The following USP39 variants were observed in gnomAD, a reference collection of about 807,000 sequenced individuals.
USP39 encodes ubiquitin specific peptidase 39, also known as ubiquitin carboxyl-terminal hydrolase 39.
USP39 carries 38 observed loss-of-function variants against 66.4 expected under a neutral mutation model. That is an observed-to-expected ratio of 0.57 (90% CI 0.44 to 0.75). USP39 has a LOEUF of 0.75. Among genes scored for constraint, USP39 ranks in the 30% least tolerant of loss-of-function variants. The probability of loss-of-function intolerance (pLI) is 0.00; values close to 1 mark genes in which losing one functional copy is unlikely to be tolerated. For synonymous variants in USP39, 303 were observed against 274.6 expected (o/e 1.10, Z -1.02); for missense variants, 608 against 714.4 (o/e 0.85, Z 1.70).
At chr2:85,611,685 T>TA (rs900785219), upstream of USP39, 7 of 1,569,658 alleles carry the variant, frequency 4.5e-6, no homozygotes, top group African/African-American at 9.5e-5. Flanking sequence ...TCGCGGCAGG[T>TA]ACACCTGCAG....
upstream of USP39, among the ~76,000 whole-genome samples, chr2:85,614,273 G>T (rs1413877141): frequency 1.3e-5 from 2 of 152,096 alleles, no homozygotes; most frequent in African/African-American, 2.4e-5. Flanking sequence ...CCTGCACTTT[G>T]GAAGGGGAGG....
At chr2:85,622,115 C>T (rs1444929305) in intron 3 of USP39, among the ~76,000 whole-genome samples, 1 of 151,524 alleles carries the variant, frequency 6.6e-6, no homozygotes, top group Non-Finnish European at 1.5e-5. Context: ...CCACCGCGCC[C>T]GGCCTAATTT....
rs868268039 is a variant in USP39 at position 85,630,742 on chromosome 2, C to T, written c.745C>T (p.Leu249Phe). The change falls in exon 6 of 13, where the codon CTC becomes TTC. Residue 249 changes from leucine (L) to phenylalanine (F), a missense_variant. Physicochemically the swap from Leu to Phe is conservative, Grantham distance 22. Transcript: ENST00000323701. ...TTAGGCTCTATCTAATGTTCCTCCT[C>T]TCCGGAACTACTTTCTGGAAGAAGA... is the stretch of plus-strand genomic sequence containing the variant. ...VLQALSNVPPLRNYFLEEDNY... is the reference protein window; with the variant it reads ...VLQALSNVPPFRNYFLEEDNY... 1 of 1,614,200 alleles carries T rather than the reference C, an allele frequency of 6.2e-7. No individual in the cohort carries two copies. The highest frequency in any genetic ancestry group is 8.5e-7 in the Non-Finnish European group (1 of 1,180,028).
chr2:85,637,987 G>A (rs1675918798), intron 8 of USP39, among the ~76,000 whole-genome samples: 1 of 151,572 alleles, frequency 6.6e-6, no homozygotes, highest in Non-Finnish European at 1.5e-5. Flanking sequence ...GTGAGTCACC[G>A]TGCCTGGCCC....
chr2:85,625,578 A>G lies in USP39; in HGVS notation c.610A>G (p.Asn204Asp), dbSNP rs1390985790. ...CACTTTCACAAAGCAGCAAATTGCA[A>G]ACTTGGACAAGCAAGCCAAATTGTC... Reference protein sequence around the residue: ...KPTFTKQQIANLDKQAKLSRA... With the variant: ...KPTFTKQQIADLDKQAKLSRA... Residue 204 changes from asparagine (N) to aspartate (D), a missense_variant, in exon 5 of 13, where the codon AAC becomes GAC. Asn to Asp is a conservative substitution (Grantham distance 23). This residue lies in a region of USP39 where 115 missense variants were observed against 198.6 expected (regional missense o/e 0.58). Transcript: ENST00000323701. The G allele has an allele frequency of 6.2e-7, 1 of 1,614,026 alleles. No homozygotes were observed. The highest frequency in any genetic ancestry group is 8.5e-7 in the Non-Finnish European group (1 of 1,179,998).
At chr2:85,611,843 A>AGTG (rs565365810), upstream of USP39, 3 of 1,601,516 alleles carry the variant, frequency 1.9e-6, no homozygotes, top group East Asian at 2.2e-5. Context: ...CCAGGCCAGG[A>AGTG]GTGGTGGCGG....
At chr2:85,608,794 C>G, upstream of USP39, 1 of 889,882 alleles carries the variant, frequency 1.1e-6, no homozygotes, top group Non-Finnish European at 1.7e-6. Flanking sequence ...GCAAGGCAGG[C>G]CAGGTGTAGT....
rs1277257641 is a variant in USP39 at position 85,625,661 on chromosome 2, G to A, written c.693G>A (p.Lys231=). The part of the protein sequence containing the change: ...LPGIVGLNNI[K]ANDYANAVLQ... ...GTATTGTGGGACTGAATAACATAAA[G>A]GCCAATGATTATGCCAACGCTGTCC... The change falls in exon 5 of 13, where the codon AAG becomes AAA. Residue 231 remains lysine, a synonymous_variant. Transcript: ENST00000323701. The A allele has an allele frequency of 6.2e-7, 1 of 1,613,742 alleles. No homozygotes were observed.
chr2:85,616,209 C>G lies in USP39; in HGVS notation c.14C>G (p.Ser5Cys), dbSNP rs377373923. MSGR[S>C]KRESRGSTRG... ...CCGGTAGTGGAGATGTCCGGCCGGT[C>G]TAAGCGGGAGTCTCGCGGTTCCACT... Residue 5 changes from serine (S) to cysteine (C), a missense_variant, in exon 1 of 13, where the codon TCT (serine) becomes TGT (cysteine). Transcript: ENST00000323701. 2.7e-6 allele frequency: 4 copies of G among 1,455,912 alleles called. No individual in the cohort carries two copies. The highest frequency in any genetic ancestry group is 1.5e-5 in the African/African-American group (1 of 68,142). 90.2% of individuals were successfully genotyped at this position (1,455,912 alleles called of 1,614,324 possible). A position where few individuals can be genotyped will look rare whatever the true frequency, so the allele number is the denominator to read the frequency against.
intron 10 of USP39, among the ~76,000 whole-genome samples, chr2:85,641,907 T>TAAAAAAA: frequency 1.1e-5 from 1 of 91,330 alleles, no homozygotes; most frequent in Non-Finnish European, 2.2e-5. Context: ...GTGACTGTGC[T>TAAAAAAA]AAAAAAAAAA....
chr2:85,640,938 T>A (rs1215116600), intron 9 of USP39, 38 bp from the exon 10 acceptor site: 1 of 1,576,490 alleles, frequency 6.3e-7, no homozygotes, highest in East Asian at 2.2e-5. Context: ...ACTACTGAAC[T>A]TCAGCACTAA....
At chr2:85,643,873 G>A (rs1043214945) in intron 10 of USP39, among the ~76,000 whole-genome samples, 2 of 151,738 alleles carry the variant, frequency 1.3e-5, no homozygotes, top group Admixed American at 6.6e-5. Context: ...GGCTGGTTTC[G>A]AACTCCTGAG....
At chr2:85,637,686 A>G (rs969359885) in intron 8 of USP39, among the ~76,000 whole-genome samples, 3 of 152,112 alleles carry the variant, frequency 2.0e-5, no homozygotes, top group Non-Finnish European at 4.4e-5. Flanking sequence ...GTGTTTTTTC[A>G]GAAAGCTCAG....
At chr2:85,608,701 CAAAAAAAAAAA>C (rs5832651), upstream of USP39, 13 of 55,446 alleles carry the variant, frequency 2.3e-4, 1 homozygote, top group South Asian at 7.8e-4. Flanking sequence ...ACAAAATCCT[CAAAAAAAAAAA>C]AAAAAAAAAA....
intron 1 of USP39, among the ~76,000 whole-genome samples, chr2:85,618,561 C>CAA (rs759260772): frequency 7.0e-5 from 4 of 57,170 alleles, no homozygotes; most frequent in Non-Finnish European, 1.5e-4. Flanking sequence ...GACTCCGTCT[C>CAA]AAAAAAAAAA....
At chr2:85,603,432 C>G (rs1269964147) in intron 1 of USP39, among the ~76,000 whole-genome samples, 1 of 152,100 alleles carries the variant, frequency 6.6e-6, no homozygotes, top group South Asian at 2.1e-4. Flanking sequence ...TAAGGATTAA[C>G]ATGGCCAGTG....
chr2:85,603,991 C>T (rs535420341), intron 1 of USP39, among the ~76,000 whole-genome samples: 2 of 152,182 alleles, frequency 1.3e-5, no homozygotes, highest in Non-Finnish European at 2.9e-5. Flanking sequence ...TCTGTTGGAG[C>T]CCTTGTGAGA....
At chr2:85,643,345 C>G (rs895765279) in intron 10 of USP39, among the ~76,000 whole-genome samples, 8 of 151,954 alleles carry the variant, frequency 5.3e-5, no homozygotes, top group Non-Finnish European at 1.0e-4. Flanking sequence ...AAAAAATTAG[C>G]CAGGCATGGT....
chr2:85,616,687 T>C (rs1287122926), intron 1 of USP39, among the ~76,000 whole-genome samples: 1 of 147,620 alleles, frequency 6.8e-6, no homozygotes, highest in Non-Finnish European at 1.5e-5. Flanking sequence ...TCTTTTTTTT[T>C]TTTTTTTTGA....
Sources: allele counts gnomAD v4.1 joint callset (sites outside exome capture counted in the v4.1 genomes callset), GRCh38; gene constraint gnomAD v4.1.1; regional missense constraint gnomAD v4.1.1; transcripts MANE v1.5; gene names NCBI Gene and HGNC (gene_info 2026-07-23, HGNC 2026-07-21).